The following TBC1D12 variants were observed in gnomAD, a reference collection of about 807,000 sequenced individuals.
TBC1D12 encodes the protein TBC1 domain family member 12, also known as TBC1 domain family, member 12.
Under a neutral mutation model 86.7 loss-of-function variants are expected in TBC1D12, and 56 were observed. The observed-to-expected ratio is 0.65, with a 90% CI of 0.52 to 0.81. The LOEUF is 0.81. Among genes scored for constraint, TBC1D12 ranks in the 30% least tolerant of loss-of-function variants. The pLI, the probability that TBC1D12 is intolerant of heterozygous loss-of-function variation, is 0.00. For synonymous variants in TBC1D12, 421 were observed against 411.7 expected, an observed-to-expected ratio of 1.02 and a Z score of -0.27; for missense variants, 1,023 against 1,038.8, an observed-to-expected ratio of 0.98 and a Z score of 0.21.
In TBC1D12 at chr10:94,534,310, A is replaced by G. The variant is rs1291804916; in HGVS notation, c.*1214A>G. On this transcript the variant is annotated 3_prime_UTR_variant, in exon 13 of 13. Coordinates refer to ENST00000225235, the MANE Select transcript of TBC1D12 (RefSeq NM_015188.2). The stretch of plus-strand genomic sequence containing the variant: ...TTCTTTACTCATCATTGCTTTCTTC[A>G]AGGAAGGTCTTGATACTGCCCTCGT... 6 of 152,128 alleles carry G rather than the reference A, an allele frequency of 3.9e-5. No individual in the cohort carries two copies. The highest frequency in any genetic ancestry group is 1.2e-4 in the African/African-American group (5 of 41,422). The allele number at this position is 152,128 out of a possible 1,614,324, so 9.4% of individuals were successfully genotyped here. A position where few individuals can be genotyped will look rare whatever the true frequency, so the allele number is the denominator to read the frequency against.
chr10:94,497,647 G>A (rs929504918), intron 5 of TBC1D12, among the ~76,000 whole-genome samples: 7 of 149,640 alleles, frequency 4.7e-5, no homozygotes, highest in Admixed American at 2.0e-4. Flanking sequence ...AGCCTCCCGA[G>A]TAGCTGGGAC....
chr10:94,497,094 A>G lies in TBC1D12; in HGVS notation c.1334A>G (p.Glu445Gly). Residue 445 changes from glutamate (E) to glycine (G), a missense_variant, in exon 5 of 13, where the codon GAA becomes GGA. Glu to Gly is a moderately conservative substitution (Grantham distance 98, BLOSUM62 -2). Around this residue, in one of 2 missense-constraint regions of TBC1D12, gnomAD observed 395 missense variants for 507.7 expected, o/e 0.78. Transcript: ENST00000225235. ...EAHKRKRIMK[E>G]RFKQEENIAS... The stretch of plus-strand genomic sequence containing the variant: ...CATAAAAGAAAAAGAATCATGAAAG[A>G]ACGATTTAAGCAGGAAGAAAATATT... The G allele has an allele frequency of 1.9e-6, 3 of 1,568,680 alleles. No homozygotes were observed. The South Asian group carries it at 3.6e-5, about 19-fold the overall frequency.
At chr10:94,472,047 G>A (rs1371977397) in intron 2 of TBC1D12, among the ~76,000 whole-genome samples, 1 of 152,086 alleles carries the variant, frequency 6.6e-6, no homozygotes, top group Admixed American at 6.6e-5. Context: ...GGGGATTCAG[G>A]CATTGTCAGT....
intron 2 of TBC1D12, among the ~76,000 whole-genome samples, chr10:94,459,937 G>A (rs2055699050): frequency 6.6e-6 from 1 of 152,206 alleles, no homozygotes; most frequent in African/African-American, 2.4e-5. Flanking sequence ...TGCCCAGAGA[G>A]GGGCTCCCAC....
chr10:94,403,621 G>A, intron 1 of TBC1D12, 37 bp downstream of exon 1: 2 of 1,411,394 alleles, frequency 1.4e-6, no homozygotes, highest in Non-Finnish European at 1.8e-6. Context: ...GGGCGGGTCC[G>A]GGGCCGGGGC....
chr10:94,409,749 T>A (rs1210092963), intron 1 of TBC1D12, among the ~76,000 whole-genome samples: 1 of 152,182 alleles, frequency 6.6e-6, no homozygotes, highest in Admixed American at 6.5e-5. Context: ...GTTACTTGTT[T>A]GATAGAAATC....
chr10:94,412,807 C>G lies in TBC1D12; in HGVS notation c.971+9223C>G, dbSNP rs75166934. On this transcript the variant is annotated intron_variant, in intron 1 of 12. Transcript: ENST00000225235. ...TTTTTCTCCCTAGGAACTCTGTTAG[C>G]TACACTATGAGTTATCTTCAGATAG... is the stretch of plus-strand genomic sequence containing the variant. Among the ~76,000 whole-genome samples the G allele has an allele frequency of 3.2e-3, 483 of 152,284 alleles. 13 individuals carry two copies. The East Asian group carries it at 0.079, about 25-fold the overall frequency.
At chr10:94,425,534 A>G (rs2055134435) in intron 1 of TBC1D12, among the ~76,000 whole-genome samples, 1 of 152,212 alleles carries the variant, frequency 6.6e-6, no homozygotes, top group Non-Finnish European at 1.5e-5. Flanking sequence ...CTGAAGTTAC[A>G]ATAATAAATT....
chr10:94,445,989 G>T (rs2134096704), intron 2 of TBC1D12, among the ~76,000 whole-genome samples: 1 of 151,462 alleles, frequency 6.6e-6, no homozygotes, highest in South Asian at 2.1e-4. Flanking sequence ...GATGGAACAT[G>T]TTTCTACCTC....
intron 11 of TBC1D12, among the ~76,000 whole-genome samples, chr10:94,526,333 G>A (rs1842288550): frequency 1.3e-5 from 2 of 151,938 alleles, no homozygotes; most frequent in Non-Finnish European, 1.5e-5. Context: ...TACTTGGGAG[G>A]CTGAGGTGGG....
chr10:94,411,609 C>G (rs775608958), intron 1 of TBC1D12, among the ~76,000 whole-genome samples: 8 of 152,152 alleles, frequency 5.3e-5, no homozygotes, highest in African/African-American at 7.2e-5. Context: ...ATTAGATTCT[C>G]TAATTCACAG....
intron 5 of TBC1D12, among the ~76,000 whole-genome samples, chr10:94,497,859 G>A (rs964701419): frequency 2.9e-5 from 4 of 136,162 alleles, no homozygotes; most frequent in African/African-American, 1.1e-4. Flanking sequence ...GTCTCGCTCT[G>A]TTGCCCAGGC....
chr10:94,531,356 A>C lies in TBC1D12; in HGVS notation c.2155A>C (p.Ile719Leu), dbSNP rs1348790568. ...TCTCCTGCAGATGGACTTTATTCAT[A>C]TAGCACAGTTTCTAACTAAATTGCC... The part of the protein sequence containing the change: ...DILLQMDFIH[I>L]AQFLTKLPED... Residue 719 changes from isoleucine to leucine, a missense_variant, in exon 12 of 13, where the codon ATA becomes CTA. By Grantham distance (5) the Ile-to-Leu change is conservative. Coordinates refer to ENST00000225235, the MANE Select transcript of TBC1D12 (RefSeq NM_015188.2). 1 of 1,614,176 alleles carries C rather than the reference A, an allele frequency of 6.2e-7. No homozygotes were observed. The highest frequency in any genetic ancestry group is 8.5e-7 in the Non-Finnish European group (1 of 1,180,026).
intron 1 of TBC1D12, among the ~76,000 whole-genome samples, chr10:94,437,656 C>T (rs12247370): frequency 0.025 from 3,835 of 152,050 alleles, 160 homozygotes; most frequent in African/African-American, 0.085. Flanking sequence ...TTTTATGGTA[C>T]GTAGTTGGTA....
At chr10:94,447,950 C>T (rs1008938302) in intron 2 of TBC1D12, among the ~76,000 whole-genome samples, 2 of 150,090 alleles carry the variant, frequency 1.3e-5, no homozygotes, top group African/African-American at 4.9e-5. Flanking sequence ...CCTTTTTTTG[C>T]TAGGCACTGC....
intron 8 of TBC1D12, among the ~76,000 whole-genome samples, 180 bp downstream of exon 8, chr10:94,510,359 C>T (rs893108625): frequency 6.6e-6 from 1 of 152,118 alleles, no homozygotes; most frequent in East Asian, 1.9e-4. Flanking sequence ...TATTTTATTC[C>T]ACTGACCGAA....
intron 9 of TBC1D12, among the ~76,000 whole-genome samples, chr10:94,514,055 A>C (rs12249293): frequency 0.025 from 3,798 of 151,918 alleles, 171 homozygotes; most frequent in African/African-American, 0.083. Flanking sequence ...AAAAACAAAA[A>C]AAAAAAAACA....
intron 1 of TBC1D12, among the ~76,000 whole-genome samples, chr10:94,423,689 A>G (rs1402721616): frequency 2.0e-5 from 3 of 152,104 alleles, no homozygotes; most frequent in Admixed American, 6.5e-5. Flanking sequence ...TAAGGCTTCT[A>G]TTAAAAAACT....
In TBC1D12 at chr10:94,500,221, G is replaced by T; in HGVS notation, c.1413G>T (p.Met471Ile). Reference protein sequence around the residue: ...INEILPNWEVMRSTRRVRELW... With the variant: ...INEILPNWEVIRSTRRVRELW... ...CTTTTTTCTCCTCCTTTAATTCTAG[G>T]CGTAGTACAAGAAGAGTTCGAGAAT... The change falls in exon 6 of 13, where the codon ATG (methionine) becomes ATT (isoleucine). Residue 471 changes from methionine to isoleucine, a missense_variant and splice_region_variant. Transcript: ENST00000225235. 1 of 1,612,070 alleles carries T rather than the reference G, an allele frequency of 6.2e-7. No individual in the cohort carries two copies. Among genetic ancestry groups the T allele is most frequent in the South Asian group, 1.1e-5 (1 of 90,556 alleles).
Sources: gnomAD v4.1 joint callset for allele counts (sites outside exome capture counted in the v4.1 genomes callset) on GRCh38, gnomAD v4.1.1 for gene constraint, gnomAD v4.1.1 regional missense constraint, MANE v1.5 for transcripts, NCBI Gene and HGNC (gene_info 2026-07-23, HGNC 2026-07-21) for gene names.